The following ZNF808 variants were observed in gnomAD, a reference collection of about 807,000 sequenced individuals.
ZNF808 encodes zinc finger protein 808.
Under a neutral mutation model 8.7 loss-of-function variants are expected in ZNF808, and 5 were observed. That is an observed-to-expected ratio of 0.58 (90% CI 0.30 to 1.21). ZNF808 has a LOEUF of 1.21. Among genes scored for constraint, ZNF808 ranks in the 50% most tolerant of loss-of-function variants. The pLI is 0.07. For synonymous variants in ZNF808, 380 were observed against 366.0 expected (o/e 1.04, Z -0.44); for missense variants, 1,103 against 1,098.4 (o/e 1.00, Z -0.06).
intron 3 of ZNF808, among the ~76,000 whole-genome samples, chr19:52,562,517 G>A (rs1300159844): frequency 6.6e-6 from 1 of 152,140 alleles, no homozygotes; most frequent in Non-Finnish European, 1.5e-5. Context: ...CTCTGAACAT[G>A]GCTTTTGGCC....
chr19:52,557,110 A>G (rs2123219201), downstream of ZNF808, among the ~76,000 whole-genome samples: 1 of 152,096 alleles, frequency 6.6e-6, no homozygotes, highest in Admixed American at 6.5e-5. Context: ...AGCTGAAATT[A>G]CAGGCACCTA....
At chr19:52,544,920 A>G (rs2059706905) in intron 3 of ZNF808, among the ~76,000 whole-genome samples, 1 of 152,116 alleles carries the variant, frequency 6.6e-6, no homozygotes, top group South Asian at 2.1e-4. Flanking sequence ...AGTATCTGGG[A>G]TTACAGGCAT....
chr19:52,539,315 C>T (rs402737), intron 2 of ZNF808, among the ~76,000 whole-genome samples: 47,978 of 149,984 alleles, frequency 0.32, 8,243 homozygotes, highest in East Asian at 0.51. Context: ...GCCTCAGCCT[C>T]CCAAGCAGCT....
At chr19:52,557,033 T>A (rs1310348404), downstream of ZNF808, among the ~76,000 whole-genome samples, 1 of 152,170 alleles carries the variant, frequency 6.6e-6, no homozygotes, top group Non-Finnish European at 1.5e-5. Flanking sequence ...AGTGCAGTGG[T>A]GCGATCTCAG....
rs1185950758 is a variant in ZNF808, at chr19:52,553,894, A to G, written c.978A>G (p.Gln326=). The G allele has an allele frequency of 1.9e-6, 3 of 1,613,876 alleles. No individual in the cohort carries two copies. The highest frequency in any genetic ancestry group is 2.7e-5 in the African/African-American group (2 of 74,870). ...KCNECGKVFR[Q]NSALVIHKAI... ...ATGAGTGTGGCAAGGTCTTTCGTCA[A>G]AATTCAGCCCTTGTAATTCATAAGG... is the stretch of plus-strand genomic sequence containing the variant. The change falls in exon 5 of 5, where the codon CAA becomes CAG. Residue 326 remains glutamine, a synonymous_variant. Coordinates refer to ENST00000359798, the MANE Select transcript of ZNF808 (RefSeq NM_001039886.4).
chr19:52,550,288 T>C (rs188519485), intron 4 of ZNF808, among the ~76,000 whole-genome samples: 6 of 151,964 alleles, frequency 3.9e-5, no homozygotes, highest in Admixed American at 3.3e-4. Flanking sequence ...TGAAGTTCAA[T>C]TGCACAATCT....
chr19:52,557,487 C>T (rs1358344226), downstream of ZNF808, among the ~76,000 whole-genome samples: 4 of 152,110 alleles, frequency 2.6e-5, no homozygotes, highest in Non-Finnish European at 5.9e-5. Flanking sequence ...AAGCTGGTCT[C>T]GAACTCCTGA....
chr19:52,538,616 G>A (rs1268272488), intron 2 of ZNF808, among the ~76,000 whole-genome samples: 2 of 135,284 alleles, frequency 1.5e-5, no homozygotes, highest in Non-Finnish European at 3.1e-5. Context: ...CAATAAGAGC[G>A]AAACTCTGTC....
intron 2 of ZNF808, among the ~76,000 whole-genome samples, chr19:52,540,486 T>G (rs1349851380): frequency 1.3e-5 from 2 of 152,208 alleles, no homozygotes; most frequent in Admixed American, 1.3e-4. Context: ...TTCTACTATG[T>G]GATATATGTT....
At chr19:52,539,544 GGT>G (rs1491458059) in intron 2 of ZNF808, among the ~76,000 whole-genome samples, 4 of 117,250 alleles carry the variant, frequency 3.4e-5, no homozygotes, top group Admixed American at 1.0e-4. Flanking sequence ...TTTTTGTTGT[GGT>G]GGTTTTTTTT....
chr19:52,559,600 A>G (rs1482789773), downstream of ZNF808, among the ~76,000 whole-genome samples: 1 of 152,122 alleles, frequency 6.6e-6, no homozygotes, highest in Non-Finnish European at 1.5e-5. Context: ...TCTTTTCTCA[A>G]ATCTCTCCGT....
intron 1 of ZNF808, among the ~76,000 whole-genome samples, chr19:52,528,588 C>T (rs2059532042): frequency 6.6e-6 from 1 of 151,884 alleles, no homozygotes; most frequent in Admixed American, 6.6e-5. Context: ...AGATGAAGGA[C>T]GGCAAGGTAG....
At chr19:52,546,233 G>A (rs1441019016) in intron 3 of ZNF808, among the ~76,000 whole-genome samples, 1 of 150,680 alleles carries the variant, frequency 6.6e-6, no homozygotes, top group Admixed American at 6.7e-5. Context: ...TGTCACCCAG[G>A]CTGAAGTGCA....
chr19:52,561,283 A>G (rs28457732), downstream of ZNF808, among the ~76,000 whole-genome samples: 34,249 of 146,084 alleles, frequency 0.23, 4,478 homozygotes, highest in African/African-American at 0.27. Flanking sequence ...ACATGTGCAC[A>G]ACGTGCAGGT....
downstream of ZNF808, among the ~76,000 whole-genome samples, chr19:52,558,790 C>A (rs189237711): frequency 3.4e-4 from 52 of 152,328 alleles, no homozygotes; most frequent in East Asian, 8.7e-3. Flanking sequence ...AAGAAAAATT[C>A]TTCTGCCTTG....
Position 52,535,816 on chromosome 19 carries a change from T to G in ZNF808, c.-20+2807T>G, listed in dbSNP as rs1369868237. Among the ~76,000 whole-genome samples, 3 of 151,792 alleles carry G rather than the reference T, an allele frequency of 2.0e-5. 1 individual carries two copies. The highest frequency in any genetic ancestry group is 3.9e-4 in the East Asian group (2 of 5,150). ...TTCAGCCTTCCTGGCCGCTCTCACCTCCAAACACCGAAAAAAACAGGCGCT... is the reference window on the plus strand; with the variant it reads ...TTCAGCCTTCCTGGCCGCTCTCACCGCCAAACACCGAAAAAAACAGGCGCT... On this transcript the variant is annotated intron_variant, in intron 2 of 4. Transcript: ENST00000359798.
chr19:52,538,351 T>TATTATTATTATTATTATC (rs1479612086), intron 2 of ZNF808, among the ~76,000 whole-genome samples: 74 of 149,478 alleles, frequency 5.0e-4, no homozygotes, highest in Middle Eastern at 3.4e-3. Context: ...TTATTATTAT[T>TATTATTATTATTATTATC]AGTTTTTTGA....
chr19:52,535,571 C>G (rs1446724219), intron 2 of ZNF808, among the ~76,000 whole-genome samples: 1 of 152,160 alleles, frequency 6.6e-6, no homozygotes, highest in Non-Finnish European at 1.5e-5. Flanking sequence ...CCTGAGCACT[C>G]CGTCCCGCAT....
At chr19:52,552,626 A>G (rs2059788579) in intron 4 of ZNF808, among the ~76,000 whole-genome samples, 1 of 151,016 alleles carries the variant, frequency 6.6e-6, no homozygotes, top group Non-Finnish European at 1.5e-5. Context: ...TTGTTTGATA[A>G]TACAGAATTT....
Sources: gnomAD v4.1 joint callset for allele counts (sites outside exome capture counted in the v4.1 genomes callset) on GRCh38, gnomAD v4.1.1 for gene constraint, MANE v1.5 for transcripts, NCBI Gene and HGNC (gene_info 2026-07-23, HGNC 2026-07-21) for gene names.